Variants in GRID2 observed in about 807,000 individuals in gnomAD.
GRID2 encodes the protein glutamate ionotropic receptor delta type subunit 2.
GRID2 carries 33 observed loss-of-function variants against 114.8 expected under a neutral mutation model. The ratio of observed to expected loss-of-function variants is 0.29; its 90% CI spans 0.22 to 0.38. The LOEUF is 0.38. Among genes scored for constraint, GRID2 ranks in the 10% least tolerant of loss-of-function variants. The pLI is 1.00. For synonymous variants in GRID2, 505 were observed against 449.9 expected (o/e 1.12, Z -1.55); for missense variants, 1,184 against 1,257.7 (o/e 0.94, Z 0.89).
At chr4:93,147,133 A>T (rs1318551923) in intron 4 of GRID2, among the ~76,000 whole-genome samples, 1 of 152,192 alleles carries the variant, frequency 6.6e-6, no homozygotes, top group Non-Finnish European at 1.5e-5. Context: ...TTTTTTCAGT[A>T]ATTTTGAATA....
chr4:93,491,826 T>C (rs1319977176), intron 12 of GRID2, among the ~76,000 whole-genome samples: 1 of 151,902 alleles, frequency 6.6e-6, no homozygotes, highest in Non-Finnish European at 1.5e-5. Flanking sequence ...TAAGAATTAA[T>C]TATCTATAAA....
At chr4:92,497,145 A>G (rs183833905) in intron 1 of GRID2, among the ~76,000 whole-genome samples, 103 of 151,978 alleles carry the variant, frequency 6.8e-4, no homozygotes, top group African/African-American at 2.4e-3. Context: ...CTCTGGTTAA[A>G]AAAAAATCTT....
chr4:93,049,850 T>A (rs1174810886), intron 2 of GRID2, among the ~76,000 whole-genome samples: 1 of 152,052 alleles, frequency 6.6e-6, no homozygotes, highest in African/African-American at 2.4e-5. Flanking sequence ...TAGAGTTCCA[T>A]GTTTCCAACC....
chr4:92,961,770 T>G (rs556300136), intron 2 of GRID2, among the ~76,000 whole-genome samples: 5 of 151,862 alleles, frequency 3.3e-5, no homozygotes. Context: ...TCTTTTTTTT[T>G]AATTCTTCTT....
intron 4 of GRID2, among the ~76,000 whole-genome samples, chr4:93,140,359 C>T (rs867589267): frequency 9.9e-5 from 15 of 151,958 alleles, no homozygotes; most frequent in Non-Finnish European, 1.8e-4. Flanking sequence ...GGGGTTTCAC[C>T]GTGTTAGCCC....
intron 2 of GRID2, among the ~76,000 whole-genome samples, chr4:92,649,496 T>G (rs1213524763): frequency 2.6e-5 from 4 of 151,628 alleles, no homozygotes; most frequent in Admixed American, 1.3e-4. Flanking sequence ...CTTTACCCCA[T>G]CTACTGATTC....
intron 2 of GRID2, among the ~76,000 whole-genome samples, chr4:92,926,766 T>G (rs1355472523): frequency 6.6e-6 from 1 of 151,892 alleles, no homozygotes; most frequent in Non-Finnish European, 1.5e-5. Flanking sequence ...AGTCCGAGAT[T>G]GAGAGACCAC....
At chr4:92,685,074 C>T (rs748137336) in intron 2 of GRID2, among the ~76,000 whole-genome samples, 7 of 151,920 alleles carry the variant, frequency 4.6e-5, no homozygotes, top group South Asian at 2.1e-4. Flanking sequence ...TTTGTTAACT[C>T]GTAAATTTAT....
At chr4:92,596,735 G>A (rs1053968603) in intron 2 of GRID2, among the ~76,000 whole-genome samples, 1 of 150,540 alleles carries the variant, frequency 6.6e-6, no homozygotes, top group African/African-American at 2.4e-5. Flanking sequence ...TTCCACTGCA[G>A]AATTTCCCAT....
intron 14 of GRID2, among the ~76,000 whole-genome samples, chr4:93,714,162 T>C (rs941179228): frequency 1.3e-5 from 2 of 152,080 alleles, no homozygotes; most frequent in African/African-American, 4.8e-5. Flanking sequence ...ATTGTTCGGT[T>C]CCCACATGTA....
intron 2 of GRID2, among the ~76,000 whole-genome samples, chr4:92,619,794 A>C (rs1730179153): frequency 6.7e-6 from 1 of 149,804 alleles, no homozygotes; most frequent in African/African-American, 2.4e-5. Context: ...TTGTTTTTAG[A>C]ATCCTTAAAT....
At chr4:93,242,730 TTA>T (rs780468646) in intron 8 of GRID2, among the ~76,000 whole-genome samples, 4 of 151,914 alleles carry the variant, frequency 2.6e-5, no homozygotes, top group Non-Finnish European at 4.4e-5. Context: ...ACTGAATTCA[TTA>T]TCCTAAGGCT....
At chr4:93,081,068 C>G (rs1484687060) in intron 2 of GRID2, among the ~76,000 whole-genome samples, 1 of 152,166 alleles carries the variant, frequency 6.6e-6, no homozygotes, top group Non-Finnish European at 1.5e-5. Flanking sequence ...AACACCAACA[C>G]ATTGGGGATC....
chr4:93,623,403 T>C (rs1008535818), intron 13 of GRID2, among the ~76,000 whole-genome samples: 1 of 152,134 alleles, frequency 6.6e-6, no homozygotes, highest in East Asian at 1.9e-4. Context: ...TCTGTTCCTG[T>C]GTTAGTTTGC....
intron 11 of GRID2, among the ~76,000 whole-genome samples, chr4:93,464,476 A>G (rs1480711072): frequency 7.6e-6 from 1 of 131,192 alleles, no homozygotes; most frequent in East Asian, 2.4e-4. Context: ...TGTATTTAAA[A>G]TCCCCATCTT....
chr4:92,725,591 G>A (rs1264664543), intron 2 of GRID2, among the ~76,000 whole-genome samples: 2 of 152,044 alleles, frequency 1.3e-5, no homozygotes, highest in Non-Finnish European at 2.9e-5. Flanking sequence ...ATTTTGTCAA[G>A]GAAGCGTCAG....
intron 13 of GRID2, among the ~76,000 whole-genome samples, chr4:93,554,909 G>A (rs553854920): frequency 5.3e-5 from 8 of 152,202 alleles, no homozygotes; most frequent in South Asian, 4.1e-4. Context: ...TGAGGTACTC[G>A]GCTCATATCA....
At chr4:93,495,273 C>A (rs987610113) in intron 12 of GRID2, among the ~76,000 whole-genome samples, 1 of 151,754 alleles carries the variant, frequency 6.6e-6, no homozygotes, top group East Asian at 1.9e-4. Context: ...CATAAATATT[C>A]TATTACTAAA....
chr4:92,781,827 C>T (rs936841829), intron 2 of GRID2, among the ~76,000 whole-genome samples: 2 of 151,788 alleles, frequency 1.3e-5, no homozygotes, highest in South Asian at 2.1e-4. Flanking sequence ...GCTGTACATT[C>T]GAGATATGTA....
Sources: gnomAD v4.1 joint callset for allele counts (sites outside exome capture counted in the v4.1 genomes callset) on GRCh38, gnomAD v4.1.1 for gene constraint, MANE v1.5 for transcripts, NCBI Gene and HGNC (gene_info 2026-07-23, HGNC 2026-07-21) for gene names.